Variants in SPAG16 observed in about 807,000 individuals in gnomAD.
SPAG16 encodes sperm associated antigen 16.
A neutral mutation model predicts 80.4 loss-of-function variants in SPAG16; 86 were observed. The observed-to-expected ratio is 1.07, with a 90% CI of 0.90 to 1.28. The LOEUF (loss-of-function observed/expected upper bound fraction) is 1.28, where lower values mean the gene tolerates loss of function less well. Among genes scored for constraint, SPAG16 ranks in the 50% most tolerant of loss-of-function variants. The probability of loss-of-function intolerance (pLI) is 0.00; values close to 1 mark genes in which losing one functional copy is unlikely to be tolerated. For missense variants in SPAG16, 870 were observed against 765.3 expected (o/e 1.14, Z -1.61); for synonymous variants, 294 against 265.9 (o/e 1.11, Z -1.03).
intron 4 of SPAG16, among the ~76,000 whole-genome samples, 177 bp downstream of exon 4, chr2:213,310,354 A>AAAT (rs2063134651): frequency 6.6e-6 from 1 of 150,622 alleles, no homozygotes; most frequent in Non-Finnish European, 1.5e-5. Flanking sequence ...ACACACACAC[A>AAAT]CACACACACA....
chr2:213,489,939 CTCT>C, intron 9 of SPAG16, 21 bp from the exon 10 acceptor site: 2 of 1,579,066 alleles, frequency 1.3e-6, no homozygotes, highest in East Asian at 2.3e-5. Flanking sequence ...TAACACAGAG[CTCT>C]TGTTTAATTT....
At chr2:213,407,594 C>T (rs949134944) in intron 9 of SPAG16, among the ~76,000 whole-genome samples, 1 of 104,520 alleles carries the variant, frequency 9.6e-6, no homozygotes, top group Non-Finnish European at 1.9e-5. Flanking sequence ...GAGAGAGAGA[C>T]AGGAGAGAGA....
intron 10 of SPAG16, among the ~76,000 whole-genome samples, chr2:213,605,590 A>G (rs1240386003): frequency 1.3e-5 from 2 of 152,082 alleles, no homozygotes; most frequent in Non-Finnish European, 2.9e-5. Flanking sequence ...CCTGGGTTCA[A>G]GCGATTCTCC....
At chr2:213,953,389 A>G (rs758988190) in intron 12 of SPAG16, among the ~76,000 whole-genome samples, 6 of 151,876 alleles carry the variant, frequency 4.0e-5, no homozygotes, top group Non-Finnish European at 8.8e-5. Flanking sequence ...GGAAAAGGAG[A>G]AAAACTTACA....
At chr2:213,924,495 T>A (rs1233144677) in intron 11 of SPAG16, among the ~76,000 whole-genome samples, 1 of 152,248 alleles carries the variant, frequency 6.6e-6, no homozygotes, top group African/African-American at 2.4e-5. Flanking sequence ...GTTTCTCAGA[T>A]GATTGGCCTG....
chr2:213,668,500 A>C (rs1345525017), intron 10 of SPAG16, among the ~76,000 whole-genome samples: 1 of 152,166 alleles, frequency 6.6e-6, no homozygotes, highest in Non-Finnish European at 1.5e-5. Flanking sequence ...AGATAGATTG[A>C]ATTTTATTAA....
intron 3 of SPAG16, chr2:213,302,563 A>C (rs2062779934): frequency 6.6e-6 from 1 of 152,010 alleles, no homozygotes; most frequent in Non-Finnish European, 1.5e-5. Context: ...TTATATGTTG[A>C]ATAAATATCC....
At chr2:213,681,711 A>C (rs2125261971) in intron 10 of SPAG16, among the ~76,000 whole-genome samples, 2 of 152,270 alleles carry the variant, frequency 1.3e-5, no homozygotes, top group Middle Eastern at 6.8e-3. Context: ...GGGAAGCAAG[A>C]CCTTCTGAAA....
intron 10 of SPAG16, among the ~76,000 whole-genome samples, chr2:213,626,327 G>A (rs999873079): frequency 6.6e-6 from 1 of 151,868 alleles, no homozygotes; most frequent in Non-Finnish European, 1.5e-5. Context: ...TGAGTTCCAA[G>A]AGTTAAACCA....
chr2:213,842,811 G>A (rs2074427045), intron 10 of SPAG16, among the ~76,000 whole-genome samples: 3 of 152,136 alleles, frequency 2.0e-5, no homozygotes, highest in Non-Finnish European at 4.4e-5. Flanking sequence ...CTGTCACCCA[G>A]GATGGAGTGT....
At chr2:214,019,437 A>G (rs992994367) in intron 13 of SPAG16, among the ~76,000 whole-genome samples, 15 of 152,176 alleles carry the variant, frequency 9.9e-5, no homozygotes, top group African/African-American at 3.4e-4. Context: ...AGGGTTCATG[A>G]CCTGGACTGC....
chr2:214,292,039 GT>G (rs1269767752), intron 15 of SPAG16, among the ~76,000 whole-genome samples: 1 of 152,228 alleles, frequency 6.6e-6, no homozygotes, highest in East Asian at 1.9e-4. Context: ...TGAGTGGGAA[GT>G]TTGTTTTTTT....
At chr2:214,235,459 A>G (rs1485062990) in intron 15 of SPAG16, among the ~76,000 whole-genome samples, 1 of 152,170 alleles carries the variant, frequency 6.6e-6, no homozygotes, top group East Asian at 1.9e-4. Context: ...TTTCTTCCTC[A>G]AATAAATAAA....
At chr2:214,095,126 T>C (rs1309654523) in intron 13 of SPAG16, among the ~76,000 whole-genome samples, 1 of 152,112 alleles carries the variant, frequency 6.6e-6, no homozygotes, top group Non-Finnish European at 1.5e-5. Flanking sequence ...CTCAGCACTT[T>C]GTAAAATAAC....
intron 14 of SPAG16, among the ~76,000 whole-genome samples, chr2:214,119,774 T>C (rs1400932936): frequency 6.6e-6 from 1 of 152,082 alleles, no homozygotes; most frequent in Non-Finnish European, 1.5e-5. Context: ...CGATAGTCTC[T>C]CATAGTTCTT....
intron 11 of SPAG16, among the ~76,000 whole-genome samples, chr2:213,907,173 C>T (rs998424440): frequency 1.9e-4 from 29 of 151,960 alleles, no homozygotes; most frequent in South Asian, 6.2e-4. Context: ...GCAAAAACAA[C>T]GGCAATGACA....
intron 15 of SPAG16, among the ~76,000 whole-genome samples, chr2:214,395,643 C>A (rs1314294501): frequency 6.6e-6 from 1 of 152,156 alleles, no homozygotes; most frequent in East Asian, 1.9e-4. Flanking sequence ...AAGCATAGTA[C>A]CCGATAGGTA....
chr2:214,246,301 A>G (rs2125837278), intron 15 of SPAG16, among the ~76,000 whole-genome samples: 1 of 152,288 alleles, frequency 6.6e-6, no homozygotes, highest in Non-Finnish European at 1.5e-5. Flanking sequence ...CAAAGTTGGC[A>G]GTAGCAATAT....
intron 5 of SPAG16, chr2:213,317,806 T>C (rs946391501): frequency 3.5e-6 from 3 of 857,736 alleles, no homozygotes; most frequent in Non-Finnish European, 2.8e-6. Flanking sequence ...GATAATGATA[T>C]GTAGGTTCGT....
Sources: gnomAD v4.1 joint callset for allele counts (sites outside exome capture counted in the v4.1 genomes callset) on GRCh38, gnomAD v4.1.1 for gene constraint, MANE v1.5 for transcripts, NCBI Gene and HGNC (gene_info 2026-07-23, HGNC 2026-07-21) for gene names.